The following TRIM49 variants were observed in gnomAD, a reference collection of about 807,000 sequenced individuals.
TRIM49 encodes tripartite motif containing 49.
TRIM49 carries 5 observed loss-of-function variants against 27.4 expected under a neutral mutation model. The observed-to-expected ratio is 0.18, with a 90% CI of 0.10 to 0.38. TRIM49 has a LOEUF of 0.38. Among genes scored for constraint, TRIM49 ranks in the 10% least tolerant of loss-of-function variants. TRIM49 has a pLI of 1.00. For missense variants in TRIM49, 188 were observed against 487.5 expected (o/e 0.39, Z 5.79); for synonymous variants, 69 against 166.0 (o/e 0.42, Z 4.49).
At chr11:89,802,685 T>C (rs1344994397) in intron 4 of TRIM49, among the ~76,000 whole-genome samples, 1 of 151,108 alleles carries the variant, frequency 6.6e-6, no homozygotes, top group South Asian at 2.1e-4. Flanking sequence ...CACATTTGTG[T>C]TCCCCCTCCT....
At position 89,804,478 on chromosome 11, in the gene TRIM49, G is replaced by A. The variant is rs1591515655; in HGVS notation, c.-4-5C>T. 6.3e-7 allele frequency: 1 copy of A among 1,581,058 alleles called. No individual in the cohort carries two copies. The highest frequency in any genetic ancestry group is 2.3e-5 in the East Asian group (1 of 43,754). On this transcript the variant is annotated splice_region_variant and splice_polypyrimidine_tract_variant and intron_variant, in intron 2 of 7. Transcript: ENST00000329758. ...AAGATTCCAGAATTCATGTTTCTGA[G>A]GAACAAAGAGAAACATGTCATTTTG...
the TRIM49 span, chr11:89,786,904 G>A: frequency 8.1e-6 from 1 of 123,454 alleles, no homozygotes; most frequent in Non-Finnish European, 1.6e-5. Flanking sequence ...CCTGGGTCTT[G>A]ACCTTGAAGG....
chr11:89,800,704 T>C (rs1170618081), intron 6 of TRIM49, among the ~76,000 whole-genome samples: 5 of 150,386 alleles, frequency 3.3e-5, no homozygotes, highest in East Asian at 2.0e-4. Context: ...GATGGCGCCA[T>C]TGCACTCCAG....
chr11:89,770,761 G>A, the TRIM49 span, among the ~76,000 whole-genome samples: 7 of 143,590 alleles, frequency 4.9e-5, no homozygotes, highest in East Asian at 1.5e-3. Flanking sequence ...AGCTACTTGG[G>A]AGGCTGAGGC....
intron 6 of TRIM49, among the ~76,000 whole-genome samples, chr11:89,800,185 C>G (rs1236751710): frequency 6.6e-6 from 1 of 151,432 alleles, no homozygotes; most frequent in Non-Finnish European, 1.5e-5. Flanking sequence ...CTGCTTCCTT[C>G]TCAAGATAAA....
chr11:89,800,587 CAAA>C (rs1949727108), intron 6 of TRIM49, among the ~76,000 whole-genome samples: 1 of 150,278 alleles, frequency 6.7e-6, no homozygotes, highest in South Asian at 2.1e-4. Flanking sequence ...ACTAAAAATA[CAAA>C]AAATTAGCCG....
At chr11:89,805,740 CAG>C (rs989572614) in intron 2 of TRIM49, among the ~76,000 whole-genome samples, 1 of 145,872 alleles carries the variant, frequency 6.9e-6, no homozygotes, top group African/African-American at 2.6e-5. Flanking sequence ...TTTTTTGAGA[CAG>C]AGTATCCTTC....
At chr11:89,791,121 C>T in the TRIM49 span, among the ~76,000 whole-genome samples, 616 of 150,768 alleles carry the variant, frequency 4.1e-3, 3 homozygotes, top group African/African-American at 0.014. Flanking sequence ...GTAGCTGATT[C>T]GATCAACTGG....
the TRIM49 span, chr11:89,766,718 C>A: frequency 5.9e-6 from 9 of 1,534,440 alleles, 1 homozygote; most frequent in East Asian, 7.4e-5. Context: ...AATCAAGAAA[C>A]ACACCAACTC....
the TRIM49 span, chr11:89,789,779 T>A: frequency 6.6e-6 from 1 of 152,010 alleles, no homozygotes; most frequent in African/African-American, 2.4e-5. Flanking sequence ...CAAACTTGGG[T>A]TCCAAGGTGG....
the TRIM49 span, among the ~76,000 whole-genome samples, chr11:89,791,598 T>C: frequency 1.3e-5 from 2 of 150,800 alleles, no homozygotes; most frequent in Admixed American, 6.6e-5. Context: ...TCAACATTCT[T>C]ACAGAGAAGA....
chr11:89,789,714 T>C, the TRIM49 span: 9 of 152,082 alleles, frequency 5.9e-5, no homozygotes, highest in African/African-American at 2.2e-4. Context: ...CCTTGTTGGG[T>C]TGCCAGGCAT....
intron 2 of TRIM49, 111 bp from the exon 3 acceptor site, chr11:89,804,584 A>T: frequency 3.7e-6 from 4 of 1,073,398 alleles, no homozygotes; most frequent in Non-Finnish European, 5.3e-6. Flanking sequence ...TGTTCATTAA[A>T]GTACAACAAA....
intron 3 of TRIM49, 39 bp downstream of exon 3, chr11:89,804,020 C>A (rs773022995): frequency 1.9e-6 from 3 of 1,611,162 alleles, no homozygotes; most frequent in Admixed American, 3.3e-5. Flanking sequence ...GAATTTTATG[C>A]TTCCTTTACA....
the TRIM49 span, chr11:89,768,875 T>A: frequency 2.0e-6 from 1 of 498,690 alleles, no homozygotes; most frequent in Admixed American, 2.0e-5. Context: ...AGAAAACGAC[T>A]CCTTTAGAAA....
At chr11:89,801,293 T>C (rs1351110037) in intron 5 of TRIM49, among the ~76,000 whole-genome samples, 2 of 145,282 alleles carry the variant, frequency 1.4e-5, no homozygotes, top group Admixed American at 1.4e-4. Context: ...ACTGAACCTG[T>C]TACCCAAATG....
chr11:89,767,693 G>T, the TRIM49 span, among the ~76,000 whole-genome samples: 1 of 129,118 alleles, frequency 7.7e-6, no homozygotes, highest in South Asian at 2.3e-4. Context: ...CTTTCTTATT[G>T]TTCACAGATT....
Position 89,804,541 on chromosome 11 carries a change from A to G in TRIM49, c.-4-68T>C, listed in dbSNP as rs534133475. The G allele has an allele frequency of 2.7e-4, 407 of 1,504,268 alleles. 23 individuals carry two copies. Among genetic ancestry groups the G allele is most frequent in the South Asian group, 2.4e-3 (195 of 81,444 alleles). 93.2% of individuals were successfully genotyped at this position (1,504,268 alleles called of 1,614,324 possible). ...ATGAAAACCTTCTAAACATGTGGAG[A>G]TATGTGATAGTTATATTTTCTTCTC... On this transcript the variant is annotated intron_variant, in intron 2 of 7. Coordinates refer to ENST00000329758, the MANE Select transcript of TRIM49 (RefSeq NM_020358.2).
rs1565445420 is a variant in TRIM49, at chr11:89,798,594, C to G, written c.895G>C (p.Asp299His). ...CTCAAAATTTCATACAGAAAGATAT[C>G]ATTGTTGGCTTCTTCATGATGCAGA... ...ITLHHEEANN[D>H]IFLYEILRSM... is the part of the protein sequence containing the mutation. The change falls in exon 8 of 8, where the codon GAT (aspartate) becomes CAT (histidine). Residue 299 changes from aspartate (D) to histidine (H), a missense_variant. Asp to His is a moderately conservative substitution (Grantham distance 81). Around this residue, in one of 6 missense-constraint regions of TRIM49, gnomAD observed 94 missense variants for 149.6 expected, o/e 0.63. Coordinates refer to ENST00000329758, the MANE Select transcript of TRIM49 (RefSeq NM_020358.2). The G allele has an allele frequency of 6.5e-7, 1 of 1,534,614 alleles. No homozygotes were observed. The highest frequency in any genetic ancestry group is 1.1e-5 in the South Asian group (1 of 87,100).
Sources: allele counts gnomAD v4.1 joint callset (sites outside exome capture counted in the v4.1 genomes callset), GRCh38; gene constraint gnomAD v4.1.1; regional missense constraint gnomAD v4.1.1; transcripts MANE v1.5; gene names NCBI Gene and HGNC (gene_info 2026-07-23, HGNC 2026-07-21).